SRGAP3: variants seen among roughly 807,000 people sequenced by gnomAD.
SRGAP3 encodes SLIT-ROBO Rho GTPase activating protein 3, also known as SLIT-ROBO Rho GTPase-activating protein 3.
In SRGAP3, 39 loss-of-function variants were observed where a neutral mutation model predicts 121.1. That is an observed-to-expected ratio of 0.32 (90% CI 0.25 to 0.42). SRGAP3 has a LOEUF of 0.42. SRGAP3 is among the 10% of genes least tolerant of loss of function. SRGAP3 has a pLI of 1.00. For missense variants in SRGAP3, 1,213 were observed against 1,470.6 expected, an observed-to-expected ratio of 0.82 and a Z score of 2.86; for synonymous variants, 601 against 570.0, an observed-to-expected ratio of 1.05 and a Z score of -0.77.
intron 1 of SRGAP3, among the ~76,000 whole-genome samples, chr3:9,230,868 AAAAG>A (rs1953184216): frequency 8.4e-6 from 1 of 118,804 alleles, no homozygotes; most frequent in Admixed American, 8.2e-5. Context: ...AAAAAAAAAA[AAAAG>A]AAAAGAAAAG....
intron 3 of SRGAP3, among the ~76,000 whole-genome samples, chr3:9,101,150 C>T (rs574873047): frequency 6.6e-6 from 1 of 152,180 alleles, no homozygotes; most frequent in Admixed American, 6.5e-5. Flanking sequence ...AATGAGCTAT[C>T]CTGAGAGGTA....
chr3:9,135,080 G>T (rs1212007997), intron 1 of SRGAP3, among the ~76,000 whole-genome samples: 2 of 152,154 alleles, frequency 1.3e-5, no homozygotes, highest in Admixed American at 6.5e-5. Context: ...AGCCACATGT[G>T]GCTATTTGCA....
chr3:9,229,055 C>G (rs1478257528), intron 1 of SRGAP3, among the ~76,000 whole-genome samples: 2 of 121,140 alleles, frequency 1.7e-5, no homozygotes, highest in Non-Finnish European at 3.2e-5. Flanking sequence ...GGCGACAGAG[C>G]GAGACTCCGT....
intron 1 of SRGAP3, among the ~76,000 whole-genome samples, chr3:9,198,512 G>T (rs1255386183): frequency 6.6e-6 from 1 of 152,184 alleles, no homozygotes; most frequent in East Asian, 1.9e-4. Context: ...GCCAGTGCTT[G>T]GTTTGGTGCT....
chr3:9,346,084 C>A (rs188905969), intron 1 of SRGAP3, among the ~76,000 whole-genome samples: 1 of 152,080 alleles, frequency 6.6e-6, no homozygotes, highest in Non-Finnish European at 1.5e-5. Flanking sequence ...TGCAGTAGTG[C>A]CAAGTATTGA....
In SRGAP3 at chr3:8,990,503, G is replaced by A; in HGVS notation, c.2886+9C>T. 1.3e-6 allele frequency: 2 copies of A among 1,551,962 alleles called. No individual in the cohort carries two copies. Among genetic ancestry groups the A allele is most frequent in the Non-Finnish European group, 1.7e-6 (2 of 1,147,966 alleles). On this transcript the variant is annotated intron_variant, in intron 21 of 21. Transcript: ENST00000383836. ...TGGCTGCCCAGCCTGCCTTCCCGCT[G>A]GCCCTTACTTCTGCCAGGGCCTCGG...
chr3:9,028,244 T>C, intron 12 of SRGAP3: 1 of 1,418,994 alleles, frequency 7.0e-7, no homozygotes, highest in Non-Finnish European at 9.8e-7. Flanking sequence ...CGAAATGCAA[T>C]GGCAGCCAGC....
intron 1 of SRGAP3, among the ~76,000 whole-genome samples, chr3:9,151,424 G>C (rs565326371): frequency 6.6e-6 from 1 of 152,342 alleles, no homozygotes; most frequent in South Asian, 2.1e-4. Context: ...GAGATGCCCA[G>C]AGAAGAGGTT....
chr3:9,236,914 T>A (rs977657828), intron 1 of SRGAP3, among the ~76,000 whole-genome samples: 1 of 152,310 alleles, frequency 6.6e-6, no homozygotes, highest in East Asian at 1.9e-4. Flanking sequence ...GAAACTATTT[T>A]TGTGTCCCCA....
chr3:9,103,367 TGAGCACCTACTAAGTGCCAA>T (rs539084252), intron 3 of SRGAP3, among the ~76,000 whole-genome samples: 42 of 152,330 alleles, frequency 2.8e-4, no homozygotes, highest in African/African-American at 9.1e-4. Flanking sequence ...TCAGCTTTCA[TGAGCACCTACTAAGTGCCAA>T]GTGATGCTCT....
At chr3:9,242,669 G>A (rs1233885513) in intron 1 of SRGAP3, among the ~76,000 whole-genome samples, 1 of 152,276 alleles carries the variant, frequency 6.6e-6, no homozygotes, top group East Asian at 1.9e-4. Context: ...AAAACACTGA[G>A]CTATGAGTTA....
rs1553579167 is a variant in SRGAP3, at chr3:9,345,800, A to AAG, written n.215-15205_215-15204insCT. Among the ~76,000 whole-genome samples, 251 of 151,474 alleles carry AAG rather than the reference A, an allele frequency of 1.7e-3. 1 individual carries two copies. The highest frequency in any genetic ancestry group is 5.3e-3 in the African/African-American group (220 of 41,250). Reference sequence around the variant, plus strand: ...GACTCCAACTCAAAAAAAAAAAAAAAAAAAGAAAAGAAAAAAGAAAGAGAG... The same window carrying AAG: ...GACTCCAACTCAAAAAAAAAAAAAAAAGAAAAGAAAAGAAAAAAGAAAGAGAG... On this transcript the variant is annotated intron_variant and non_coding_transcript_variant, in intron 1 of 3. Coordinates refer to the SRGAP3 transcript ENST00000490889.
rs1942269254 is a variant in SRGAP3, at chr3:8,994,499, G to A, written c.2252C>T (p.Ala751Val). Residue 751 changes from alanine to valine, a missense_variant, in exon 19 of 22, where the codon GCC becomes GTC. Ala to Val is a moderately conservative substitution (Grantham distance 64). This residue lies in a region of SRGAP3 where 793 missense variants were observed against 1,032.9 expected (regional missense o/e 0.77). Transcript: ENST00000383836. ...DEEVEQIEAI[A>V]KFDYMGRSPR... ...GGACCGCCCCATGTAGTCAAACTTG[G>A]CAATAGCCTCGATCTGCTCCACTTC... The A allele has an allele frequency of 1.2e-6, 2 of 1,613,884 alleles. No homozygotes were observed. Among genetic ancestry groups the A allele is most frequent in the Non-Finnish European group, 1.7e-6 (2 of 1,180,032 alleles).
chr3:9,348,191 T>C (rs1401046723), intron 1 of SRGAP3, among the ~76,000 whole-genome samples: 1 of 152,038 alleles, frequency 6.6e-6, no homozygotes, highest in Non-Finnish European at 1.5e-5. Context: ...AAGACAAAGC[T>C]CCAAAACCTT....
chr3:9,268,428 G>A (rs536798537), intron 3 of SRGAP3, among the ~76,000 whole-genome samples: 1 of 152,056 alleles, frequency 6.6e-6, no homozygotes, highest in African/African-American at 2.4e-5. Flanking sequence ...CCAGAACCTA[G>A]CTGGCCTCTA....
intron 12 of SRGAP3, among the ~76,000 whole-genome samples, chr3:9,029,889 C>T (rs181294689): frequency 5.9e-5 from 9 of 152,162 alleles, no homozygotes; most frequent in African/African-American, 2.2e-4. Context: ...TGCCTGTAAT[C>T]CCAGGACTTT....
At chr3:9,055,189 A>G (rs762324982) in intron 8 of SRGAP3, among the ~76,000 whole-genome samples, 24 of 152,248 alleles carry the variant, frequency 1.6e-4, no homozygotes, top group Non-Finnish European at 3.5e-4. Context: ...CTGATTTGCT[A>G]TCATCCTGAG....
At chr3:9,020,684 T>C (rs930216445) in intron 14 of SRGAP3, among the ~76,000 whole-genome samples, 1 of 152,192 alleles carries the variant, frequency 6.6e-6, no homozygotes, top group Non-Finnish European at 1.5e-5. Flanking sequence ...TGCCCAAACA[T>C]TCTTTTCAAT....
At chr3:9,061,209 G>A (rs937235870) in intron 5 of SRGAP3, among the ~76,000 whole-genome samples, 3 of 152,204 alleles carry the variant, frequency 2.0e-5, no homozygotes, top group Non-Finnish European at 4.4e-5. Flanking sequence ...TCCAGGTCTA[G>A]GTGACAGAGG....
Sources: allele counts gnomAD v4.1 joint callset (sites outside exome capture counted in the v4.1 genomes callset), GRCh38; gene constraint gnomAD v4.1.1; regional missense constraint gnomAD v4.1.1; transcripts MANE v1.5; gene names NCBI Gene and HGNC (gene_info 2026-07-23, HGNC 2026-07-21).